The following PDZRN4 variants were observed in gnomAD, a reference collection of about 807,000 sequenced individuals.
PDZRN4 encodes the protein PDZ domain containing ring finger 4.
A neutral mutation model predicts 99.0 loss-of-function variants in PDZRN4; 70 were observed. The observed-to-expected ratio is 0.71, with a 90% CI of 0.58 to 0.86. PDZRN4 has a LOEUF of 0.86. Among genes scored for constraint, PDZRN4 ranks in the 40% least tolerant of loss-of-function variants. The probability of loss-of-function intolerance (pLI) is 0.00; values close to 1 mark genes in which losing one functional copy is unlikely to be tolerated. For synonymous variants in PDZRN4, 551 were observed against 501.6 expected, an observed-to-expected ratio of 1.10 and a Z score of -1.32; for missense variants, 1,474 against 1,331.2, an observed-to-expected ratio of 1.11 and a Z score of -1.67.
intron 3 of PDZRN4, among the ~76,000 whole-genome samples, chr12:41,408,819 C>G (rs1246306207): frequency 1.3e-5 from 2 of 151,822 alleles, no homozygotes; most frequent in South Asian, 2.1e-4. Context: ...CTCTTGCGCT[C>G]TCTCTCTCAC....
chr12:41,477,448 A>G (rs1937613441), intron 3 of PDZRN4, among the ~76,000 whole-genome samples: 1 of 152,210 alleles, frequency 6.6e-6, no homozygotes, highest in African/African-American at 2.4e-5. Flanking sequence ...TGAAGGTGAA[A>G]TTGTCTAGAA....
chr12:41,509,940 A>G (rs376861684), intron 5 of PDZRN4, 27 bp downstream of exon 5: 1 of 1,079,140 alleles, frequency 9.3e-7, no homozygotes, highest in Non-Finnish European at 1.4e-6. Context: ...ACCACTTCAC[A>G]TTTCTTCATG....
chr12:41,207,146 C>A (rs1438434556), intron 3 of PDZRN4, among the ~76,000 whole-genome samples: 1 of 151,864 alleles, frequency 6.6e-6, no homozygotes, highest in Non-Finnish European at 1.5e-5. Context: ...CAAACTTTCA[C>A]TTAGAGGACA....
chr12:41,191,788 TGTTTG>T (rs1414526544), intron 2 of PDZRN4, among the ~76,000 whole-genome samples: 3 of 135,492 alleles, frequency 2.2e-5, no homozygotes, highest in Admixed American at 7.3e-5. Context: ...TTATTTATTT[TGTTTG>T]TTTGTTTGAG....
At chr12:41,209,732 A>T (rs541013092) in intron 3 of PDZRN4, among the ~76,000 whole-genome samples, 2,466 of 147,810 alleles carry the variant, frequency 0.017, 52 homozygotes, top group African/African-American at 0.052. Flanking sequence ...ACATTTTCTT[A>T]ATCCAGTCTA....
At chr12:41,233,827 A>T (rs1315749367) in intron 3 of PDZRN4, among the ~76,000 whole-genome samples, 1 of 152,060 alleles carries the variant, frequency 6.6e-6, no homozygotes, top group Non-Finnish European at 1.5e-5. Flanking sequence ...ATTAGGAGAC[A>T]TACCTAATAC....
At chr12:41,190,242 A>T (rs1218003953) in intron 1 of PDZRN4, among the ~76,000 whole-genome samples, 3 of 152,180 alleles carry the variant, frequency 2.0e-5, no homozygotes, top group African/African-American at 7.2e-5. Flanking sequence ...AATTGAAGTG[A>T]GAGGGACTAA....
At chr12:41,537,590 C>G (rs900199696) in intron 5 of PDZRN4, among the ~76,000 whole-genome samples, 9 of 151,964 alleles carry the variant, frequency 5.9e-5, no homozygotes, top group African/African-American at 2.2e-4. Context: ...TACAGAGGGC[C>G]TATAGTGTCA....
chr12:41,456,926 G>A (rs1235812603), intron 3 of PDZRN4, among the ~76,000 whole-genome samples: 5 of 152,200 alleles, frequency 3.3e-5, no homozygotes, highest in Non-Finnish European at 7.3e-5. Flanking sequence ...GGCCAATGGA[G>A]AAGGCAGAAC....
At chr12:41,534,066 G>A (rs1938708656) in intron 5 of PDZRN4, among the ~76,000 whole-genome samples, 1 of 151,982 alleles carries the variant, frequency 6.6e-6, no homozygotes, top group Admixed American at 6.6e-5. Flanking sequence ...AAGGAGTCAG[G>A]AACACTTAAA....
At chr12:41,459,052 C>T (rs1952846397) in intron 3 of PDZRN4, among the ~76,000 whole-genome samples, 2 of 122,484 alleles carry the variant, frequency 1.6e-5, no homozygotes, top group African/African-American at 6.8e-5. Flanking sequence ...GATCAGAGTT[C>T]AAAGGATTTG....
At chr12:41,477,039 A>G (rs907634801) in intron 3 of PDZRN4, among the ~76,000 whole-genome samples, 1 of 152,224 alleles carries the variant, frequency 6.6e-6, no homozygotes, top group Non-Finnish European at 1.5e-5. Flanking sequence ...AGCTCCATAA[A>G]TAACCTCCCG....
At position 41,208,256 on chromosome 12, in the gene PDZRN4, T is replaced by G. The variant is rs535129793; in HGVS notation, c.843+14068T>G. Among the ~76,000 whole-genome samples the G allele has an allele frequency of 1.2e-4, 19 of 152,072 alleles. No individual in the cohort carries two copies. In the East Asian group the frequency reaches 3.7e-3, roughly 30 times the overall value. ...GTAAGCTTTACAATTAAGACTTGAC[T>G]ATTTGGTTCAAGGGAAATATTTAAA... On this transcript the variant is annotated intron_variant, in intron 3 of 9. Transcript: ENST00000402685.
intron 3 of PDZRN4, among the ~76,000 whole-genome samples, chr12:41,355,362 G>A (rs941190): frequency 0.36 from 55,257 of 151,738 alleles, 10,143 homozygotes; most frequent in Non-Finnish European, 0.39. Flanking sequence ...CCCTTTTCTA[G>A]CAGTTATCTG....
chr12:41,355,485 T>C (rs1951920748), intron 3 of PDZRN4, among the ~76,000 whole-genome samples: 2 of 152,122 alleles, frequency 1.3e-5, no homozygotes, highest in African/African-American at 4.8e-5. Flanking sequence ...CTTTCTGATA[T>C]CCTTCAATTA....
chr12:41,301,661 A>G (rs1951536353), intron 3 of PDZRN4, among the ~76,000 whole-genome samples: 1 of 152,098 alleles, frequency 6.6e-6, no homozygotes, highest in African/African-American at 2.4e-5. Flanking sequence ...CAGCTATTTT[A>G]TAAGCAATGC....
chr12:41,234,524 G>T (rs957626654), intron 3 of PDZRN4, among the ~76,000 whole-genome samples: 1 of 152,238 alleles, frequency 6.6e-6, no homozygotes, highest in East Asian at 1.9e-4. Context: ...CACTGATAGA[G>T]ATATCTAACT....
chr12:41,416,661 A>G (rs1952447984), intron 3 of PDZRN4, among the ~76,000 whole-genome samples: 1 of 152,172 alleles, frequency 6.6e-6, no homozygotes, highest in Non-Finnish European at 1.5e-5. Flanking sequence ...CCATCTAAAG[A>G]AAAAAAGAAA....
At chr12:41,344,818 T>A (rs1951841755) in intron 3 of PDZRN4, among the ~76,000 whole-genome samples, 1 of 149,552 alleles carries the variant, frequency 6.7e-6, no homozygotes, top group Non-Finnish European at 1.5e-5. Flanking sequence ...AGGGATATAA[T>A]TTTGATTTAA....
Sources: allele counts gnomAD v4.1 joint callset (sites outside exome capture counted in the v4.1 genomes callset), GRCh38; gene constraint gnomAD v4.1.1; transcripts MANE v1.5; gene names NCBI Gene and HGNC (gene_info 2026-07-23, HGNC 2026-07-21).